The following USP49 variants were observed in gnomAD, a reference collection of about 807,000 sequenced individuals.
USP49 encodes ubiquitin carboxyl-terminal hydrolase 49.
USP49 carries 24 observed loss-of-function variants against 58.6 expected under a neutral mutation model. The observed-to-expected ratio is 0.41, with a 90% CI of 0.30 to 0.58. USP49 has a LOEUF of 0.58. Ranked by LOEUF, USP49 falls within the 20% of genes least tolerant of loss-of-function variation. The probability of loss-of-function intolerance (pLI) is 0.30; values close to 1 mark genes in which losing one functional copy is unlikely to be tolerated. For synonymous variants in USP49, 408 were observed against 365.1 expected, an observed-to-expected ratio of 1.12 and a Z score of -1.34; for missense variants, 703 against 866.1, an observed-to-expected ratio of 0.81 and a Z score of 2.36.
At chr6:41,825,323 T>G (rs186881556) in intron 3 of USP49, among the ~76,000 whole-genome samples, 38 of 152,186 alleles carry the variant, frequency 2.5e-4, no homozygotes, top group Admixed American at 1.6e-3. Context: ...TAAGTAAATG[T>G]TGACAGAAAG....
chr6:41,859,961 G>T (rs1032046264), intron 3 of USP49, among the ~76,000 whole-genome samples: 2 of 152,092 alleles, frequency 1.3e-5, no homozygotes, highest in Non-Finnish European at 2.9e-5. Context: ...TAATATATTG[G>T]CAAGAGCCAC....
At chr6:41,807,075 C>CA in intron 3 of USP49, 64 bp from the exon 4 acceptor site, 2 of 1,093,108 alleles carry the variant, frequency 1.8e-6, no homozygotes, top group Non-Finnish European at 2.3e-6. Flanking sequence ...AAATATTTTC[C>CA]TTAAAAAAAA....
intron 6 of USP49, among the ~76,000 whole-genome samples, chr6:41,799,531 A>G (rs1772956507): frequency 6.6e-6 from 1 of 152,220 alleles, no homozygotes; most frequent in African/African-American, 2.4e-5. Context: ...TTTATACTTC[A>G]TCCTGAAGAT....
At chr6:41,856,630 T>C (rs1185823314) in intron 3 of USP49, among the ~76,000 whole-genome samples, 1 of 152,152 alleles carries the variant, frequency 6.6e-6, no homozygotes, top group African/African-American at 2.4e-5. Context: ...AAGCACCTGA[T>C]ATATTTATTT....
intron 2 of USP49, among the ~76,000 whole-genome samples, chr6:41,877,565 ATTTT>A (rs34374721): frequency 1.4e-5 from 2 of 138,396 alleles, no homozygotes; most frequent in Admixed American, 7.2e-5. Flanking sequence ...ATGGGATCCC[ATTTT>A]TTTTTTTTTT....
In USP49 at chr6:41,806,787, G is replaced by A; in HGVS notation, c.197C>T (p.Ala66Val). 8 of 1,614,212 alleles carry A rather than the reference G, an allele frequency of 5.0e-6. No homozygotes were observed. Among genetic ancestry groups the A allele is most frequent in the Non-Finnish European group, 6.8e-6 (8 of 1,180,032 alleles). Residue 66 changes from alanine to valine, a missense_variant, in exon 4 of 8, where the codon GCC becomes GTC. Transcript: ENST00000682992. This position sits in a 1 kb window ranked among gnomAD's most constrained non-coding sequence, Gnocchi z 5.9. ...KHFEETGHPL[A>V]MEVRDLYVFC... The stretch of plus-strand genomic sequence containing the variant: ...CACGTAGAGATCCCGGACTTCCATG[G>A]CTAGCGGGTGTCCCGTCTCCTCAAA...
chr6:41,838,876 T>G (rs1773771595), intron 3 of USP49, among the ~76,000 whole-genome samples: 1 of 152,086 alleles, frequency 6.6e-6, no homozygotes, highest in Non-Finnish European at 1.5e-5. Flanking sequence ...TTATATCAAG[T>G]ATCCTCTCAG....
chr6:41,841,874 T>C (rs1460710714), intron 3 of USP49, among the ~76,000 whole-genome samples: 13 of 152,244 alleles, frequency 8.5e-5, no homozygotes, highest in Admixed American at 7.2e-4. Flanking sequence ...CTGGCCAACA[T>C]GGCAAAACCC....
chr6:41,831,565 A>G (rs1196911886), intron 3 of USP49, among the ~76,000 whole-genome samples: 4 of 143,658 alleles, frequency 2.8e-5, no homozygotes, highest in African/African-American at 2.6e-5. Flanking sequence ...GGGCAACAAG[A>G]GCAAAACTCC....
chr6:41,845,482 T>C (rs2127348235), intron 3 of USP49, among the ~76,000 whole-genome samples: 1 of 151,792 alleles, frequency 6.6e-6, no homozygotes, highest in East Asian at 1.9e-4. Context: ...ATGGCGCCAT[T>C]GCACTCCAGC....
At chr6:41,829,026 A>G (rs1038585700) in intron 3 of USP49, among the ~76,000 whole-genome samples, 4 of 152,134 alleles carry the variant, frequency 2.6e-5, no homozygotes, top group African/African-American at 7.2e-5. Context: ...CCCAAGATAT[A>G]TATTTCTTGT....
rs534288022 is a variant in USP49, at chr6:41,843,817, G to A, written c.-29+27747C>T. The stretch of plus-strand genomic sequence containing the variant: ...TCAGCACTTTGGGAAGCTGCGGCGG[G>A]CAGATCACCTGAGGTCAGGAGTTCA... On this transcript the variant is annotated intron_variant, in intron 3 of 7. Transcript: ENST00000682992. 1.7e-3 allele frequency among the ~76,000 whole-genome samples: 252 copies of A among 152,232 alleles called. 1 individual carries two copies. Among genetic ancestry groups the A allele is most frequent in the African/African-American group, 5.6e-3 (232 of 41,554 alleles).
At chr6:41,871,845 T>C (rs1420446437) in intron 2 of USP49, among the ~76,000 whole-genome samples, 3 of 152,146 alleles carry the variant, frequency 2.0e-5, no homozygotes, top group Non-Finnish European at 4.4e-5. Flanking sequence ...CACTTATGGG[T>C]AGACTGATCT....
chr6:41,802,469 TTTTTTA>T (rs1392188940), intron 5 of USP49, among the ~76,000 whole-genome samples: 1 of 67,062 alleles, frequency 1.5e-5, no homozygotes, highest in African/African-American at 6.1e-5. Context: ...TATTTATTTA[TTTTTTA>T]TTTATTTTTT....
At chr6:41,845,837 T>C (rs1773913205) in intron 3 of USP49, among the ~76,000 whole-genome samples, 1 of 152,220 alleles carries the variant, frequency 6.6e-6, no homozygotes, top group African/African-American at 2.4e-5. Flanking sequence ...GGGATTTTGA[T>C]CTTTTGAGAT....
intron 3 of USP49, among the ~76,000 whole-genome samples, chr6:41,827,632 C>G (rs145515921): frequency 1.4e-5 from 2 of 140,260 alleles, no homozygotes; most frequent in South Asian, 4.4e-4. Context: ...TACCCTCCAG[C>G]CTGGGCAATA....
intron 3 of USP49, among the ~76,000 whole-genome samples, chr6:41,865,026 AT>A (rs571443031): frequency 6.6e-6 from 1 of 151,726 alleles, no homozygotes; most frequent in Non-Finnish European, 1.5e-5. Flanking sequence ...TTGGTATCTC[AT>A]TTTTTTTATT....
intron 3 of USP49, among the ~76,000 whole-genome samples, chr6:41,821,728 C>T (rs1392242761): frequency 6.6e-6 from 1 of 152,018 alleles, no homozygotes; most frequent in African/African-American, 2.4e-5. Context: ...GAGCCGAGAT[C>T]GCACCACTGC....
intron 2 of USP49, among the ~76,000 whole-genome samples, chr6:41,887,989 A>G (rs1215959345): frequency 6.6e-6 from 1 of 151,980 alleles, no homozygotes; most frequent in Non-Finnish European, 1.5e-5. Context: ...ATGCTTTCCA[A>G]ACAATTTGTA....
Sources: allele counts gnomAD v4.1 joint callset (sites outside exome capture counted in the v4.1 genomes callset), GRCh38; gene constraint gnomAD v4.1.1; non-coding constraint Gnocchi (gnomAD v3.1); transcripts MANE v1.5; gene names NCBI Gene and HGNC (gene_info 2026-07-23, HGNC 2026-07-21).